Variants in MDN1 observed in about 807,000 individuals in gnomAD.
MDN1 encodes midasin.
Under a neutral mutation model 669.2 loss-of-function variants are expected in MDN1, and 266 were observed. The ratio of observed to expected loss-of-function variants is 0.40; its 90% confidence interval spans 0.36 to 0.44. MDN1 has a LOEUF of 0.44. Ranked by LOEUF, MDN1 falls within the 20% of genes least tolerant of loss-of-function variation. MDN1 has a pLI of 1.00. For synonymous variants in MDN1, 2,385 were observed against 2,457.1 expected (o/e 0.97, Z 0.87); for missense variants, 5,940 against 6,754.0 (o/e 0.88, Z 4.22).
At chr6:89,677,799 C>T in intron 75 of MDN1, 103 bp from the exon 76 acceptor site, 4 of 1,466,140 alleles carry the variant, frequency 2.7e-6, no homozygotes, top group Middle Eastern at 1.8e-4. Flanking sequence ...AACAGCATCA[C>T]CTGAGAGCTT....
At chr6:89,767,207 G>T (rs1308332838) in intron 15 of MDN1, among the ~76,000 whole-genome samples, 1 of 151,848 alleles carries the variant, frequency 6.6e-6, no homozygotes. Flanking sequence ...GTAATGTGAG[G>T]GTCTACATGC....
chr6:89,668,054 C>G lies in MDN1; in HGVS notation c.14054G>C (p.Gly4685Ala). 1 of 1,614,118 alleles carries G rather than the reference C, an allele frequency of 6.2e-7. No individual in the cohort carries two copies. ...GATCTGGTCACTCACATCCTTCATG[C>G]CCTCGCCTTCTCCAATTCCACCTCC... ...YEGGGIGEGE[G>A]MKDVSDQIGN... Residue 4685 changes from glycine (G) to alanine (A), a missense_variant, in exon 84 of 102, where the codon GGC (glycine) becomes GCC (alanine). By Grantham distance (60) the Gly-to-Ala change is moderately conservative. Around this residue, in one of 5 missense-constraint regions of MDN1, gnomAD observed 2,280 missense variants for 2,576.3 expected, o/e 0.88. Coordinates refer to ENST00000369393, the MANE Select transcript of MDN1 (RefSeq NM_014611.3).
intron 11 of MDN1, among the ~76,000 whole-genome samples, chr6:89,779,201 G>A (rs1375429683): frequency 6.6e-6 from 1 of 152,114 alleles, no homozygotes; most frequent in Non-Finnish European, 1.5e-5. Context: ...TGAAATGGCT[G>A]GTCTCAAATT....
chr6:89,810,006 A>T (rs1162817532), intron 1 of MDN1, among the ~76,000 whole-genome samples: 76 of 143,866 alleles, frequency 5.3e-4, no homozygotes, highest in African/African-American at 1.7e-3. Flanking sequence ...AAAAAAAAAA[A>T]AAAAAAAAAA....
intron 37 of MDN1, 128 bp from the exon 38 acceptor site, chr6:89,725,524 TA>T: frequency 1.2e-6 from 1 of 801,576 alleles, no homozygotes; most frequent in Non-Finnish European, 2.0e-6. Context: ...ACAATATTGA[TA>T]ACCTTCTGTA....
chr6:89,648,639 G>A (rs550163715), intron 97 of MDN1, among the ~76,000 whole-genome samples: 1 of 151,970 alleles, frequency 6.6e-6, no homozygotes, highest in Non-Finnish European at 1.5e-5. Flanking sequence ...AGGCCAAGGA[G>A]GGAGGATCAC....
intron 34 of MDN1, 56 bp from the exon 35 acceptor site, chr6:89,730,979 C>T (rs1815560142): frequency 1.3e-6 from 2 of 1,485,764 alleles, no homozygotes; most frequent in Non-Finnish European, 1.8e-6. Flanking sequence ...GCTTCACCAC[C>T]ATTAAGCAGG....
At chr6:89,737,726 T>G (rs1350962921) in intron 33 of MDN1, among the ~76,000 whole-genome samples, 5 of 109,178 alleles carry the variant, frequency 4.6e-5, no homozygotes, top group African/African-American at 1.3e-4. Context: ...CAGCCTAATT[T>G]TTTTTTTTTT....
chr6:89,688,009 A>T (rs896189318), intron 67 of MDN1, 69 bp downstream of exon 67: 18 of 1,304,710 alleles, frequency 1.4e-5, no homozygotes, highest in Non-Finnish European at 2.0e-5. Context: ...CTAACAACAA[A>T]GGTGCCACAA....
Position 89,690,030 on chromosome 6 carries a change from C to T in MDN1, c.10863G>A (p.Gln3621=). 6.2e-7 allele frequency: 1 copy of T among 1,614,190 alleles called. No homozygotes were observed. Among genetic ancestry groups the T allele is most frequent in the South Asian group, 1.1e-5 (1 of 91,090 alleles). The change falls in exon 65 of 102, where the codon CAG becomes CAA. Residue 3621 remains glutamine, a synonymous_variant. Transcript: ENST00000369393. ...ATTGCTGGTGTATCAGCATTACTGC[C>T]TGCATTGAATTCTGGGAGAGGAGAG... is the stretch of plus-strand genomic sequence containing the variant. ...NPALLSQNSM[Q]AVMLIHQQLC...
chr6:89,673,223 C>T lies in MDN1; in HGVS notation c.13474+13G>A. On this transcript the variant is annotated intron_variant, in intron 80 of 101. Coordinates refer to ENST00000369393, the MANE Select transcript of MDN1 (RefSeq NM_014611.3). The stretch of plus-strand genomic sequence containing the variant: ...ACTGGACTTTCATTCCCTGACTGAA[C>T]AATATTCCTTACCTCCTTGGCTATC... 6.2e-7 allele frequency: 1 copy of T among 1,601,368 alleles called. No homozygotes were observed. The highest frequency in any genetic ancestry group is 8.6e-7 in the Non-Finnish European group (1 of 1,168,530).
chr6:89,798,301 G>A (rs1298416700), intron 2 of MDN1, among the ~76,000 whole-genome samples: 1 of 152,006 alleles, frequency 6.6e-6, no homozygotes, highest in Non-Finnish European at 1.5e-5. Context: ...ATCACCTGAG[G>A]TTGGGAGTTC....
intron 17 of MDN1, among the ~76,000 whole-genome samples, chr6:89,761,019 A>T (rs180815126): frequency 3.9e-5 from 6 of 152,244 alleles, no homozygotes; most frequent in Admixed American, 3.9e-4. Context: ...ACAAAAAATT[A>T]GCCGGGCATG....
intron 71 of MDN1, among the ~76,000 whole-genome samples, chr6:89,684,148 T>G (rs531452978): frequency 8.5e-4 from 129 of 152,100 alleles, no homozygotes; most frequent in South Asian, 3.5e-3. Flanking sequence ...ATTGAGACCA[T>G]CCTGGCCAAC....
At chr6:89,723,390 T>C (rs1814973116) in intron 39 of MDN1, 122 bp downstream of exon 39, 1 of 719,966 alleles carries the variant, frequency 1.4e-6, no homozygotes, top group Non-Finnish European at 2.2e-6. Context: ...TAGAAACCTG[T>C]AGAATTCAAA....
Position 89,673,465 on chromosome 6 carries a change from G to A in MDN1, c.13248-3C>T. 6.2e-7 allele frequency: 1 copy of A among 1,613,616 alleles called. No individual in the cohort carries two copies. Among genetic ancestry groups the A allele is most frequent in the South Asian group, 1.1e-5 (1 of 91,034 alleles). On this transcript the variant is annotated splice_polypyrimidine_tract_variant and splice_region_variant and intron_variant, in intron 79 of 101. Coordinates refer to ENST00000369393, the MANE Select transcript of MDN1 (RefSeq NM_014611.3). ...AAGAGCAAACTTCAAAATCTTTCCT[G>A]CAACAGAAATGCCACAATGTTGAAA...
chr6:89,768,827 G>A (rs752548843), intron 15 of MDN1, among the ~76,000 whole-genome samples: 13 of 151,970 alleles, frequency 8.6e-5, no homozygotes, highest in Middle Eastern at 3.2e-3. Context: ...AGGCCCAGGC[G>A]GGAAGATTCC....
chr6:89,650,247 G>A (rs1177230261), intron 96 of MDN1, 49 bp from the exon 97 acceptor site: 1 of 1,557,284 alleles, frequency 6.4e-7, no homozygotes, highest in Admixed American at 1.9e-5. Flanking sequence ...TTTAATTCCT[G>A]AGAATTTTTA....
At chr6:89,787,378 A>G (rs1819018575) in intron 8 of MDN1, among the ~76,000 whole-genome samples, 1 of 152,144 alleles carries the variant, frequency 6.6e-6, no homozygotes. Flanking sequence ...TAATTTTTCA[A>G]TTGCCTGAAA....
Sources: gnomAD v4.1 joint callset for allele counts (sites outside exome capture counted in the v4.1 genomes callset) on GRCh38, gnomAD v4.1.1 for gene constraint, gnomAD v4.1.1 regional missense constraint, MANE v1.5 for transcripts, NCBI Gene and HGNC (gene_info 2026-07-23, HGNC 2026-07-21) for gene names.